The following GPRC5A variants were observed in gnomAD, a reference collection of about 807,000 sequenced individuals.
GPRC5A encodes the protein retinoic acid-induced protein 3.
GPRC5A carries 19 observed loss-of-function variants against 22.5 expected under a neutral mutation model. The observed-to-expected ratio is 0.85, with a 90% CI of 0.59 to 1.24. The LOEUF (loss-of-function observed/expected upper bound fraction) is 1.24, where lower values mean the gene tolerates loss of function less well. Among genes scored for constraint, GPRC5A ranks in the 50% most tolerant of loss-of-function variants. The pLI is 0.00. For synonymous variants in GPRC5A, 192 were observed against 184.5 expected (o/e 1.04, Z -0.33); for missense variants, 471 against 451.1 (o/e 1.04, Z -0.40).
chr12:12,915,811 C>A lies in GPRC5A; in HGVS notation c.*3272C>A. On this transcript the variant is annotated 3_prime_UTR_variant, in exon 4 of 4. Coordinates refer to ENST00000014914, the MANE Select transcript of GPRC5A (RefSeq NM_003979.4). ...GATTACAGGCATGAGCCACCGCGCC[C>A]GGCCCCGTTGTTTCCCTTCTAAGAA... 1 of 511,042 alleles carries A rather than the reference C, an allele frequency of 2.0e-6. No individual in the cohort carries two copies. Among genetic ancestry groups the A allele is most frequent in the Non-Finnish European group, 4.1e-6 (1 of 245,068 alleles). The allele number at this position is 511,042 out of a possible 1,614,324, so 31.7% of individuals were successfully genotyped here.
At chr12:12,897,268 T>G (rs1052671768) in intron 1 of GPRC5A, among the ~76,000 whole-genome samples, 1 of 135,370 alleles carries the variant, frequency 7.4e-6, no homozygotes, top group African/African-American at 2.7e-5. Context: ...TTAATAGTAA[T>G]AATGATAATA....
At chr12:12,910,325 C>T (rs1234988092) in intron 2 of GPRC5A, among the ~76,000 whole-genome samples, 3 of 152,132 alleles carry the variant, frequency 2.0e-5, no homozygotes, top group Admixed American at 2.0e-4. Flanking sequence ...ATTTAACCAC[C>T]CAGCCCCTCC....
intron 1 of GPRC5A, among the ~76,000 whole-genome samples, chr12:12,894,219 A>G (rs1863796258): frequency 6.6e-6 from 1 of 152,216 alleles, no homozygotes; most frequent in Admixed American, 6.5e-5. Flanking sequence ...TCTGAATTAT[A>G]TGATTAGTAA....
Position 12,915,320 on chromosome 12 carries a change from G to A in GPRC5A, c.*2781G>A, listed in dbSNP as rs1801222713. ...ATGGGTCTTTACACTGATAGTTACA[G>A]TAAGTTTTAAAATCTGAGCAGCAAT... On this transcript the variant is annotated 3_prime_UTR_variant, in exon 4 of 4. Transcript: ENST00000014914. 1 of 152,240 alleles carries A rather than the reference G, an allele frequency of 6.6e-6. No homozygotes were observed. The highest frequency in any genetic ancestry group is 2.4e-5 in the African/African-American group (1 of 41,440). The allele number at this position is 152,240 out of a possible 1,614,324, so 9.4% of individuals were successfully genotyped here. A position where few individuals can be genotyped will look rare whatever the true frequency, so the allele number is the denominator to read the frequency against.
intron 1 of GPRC5A, among the ~76,000 whole-genome samples, chr12:12,892,837 CTGT>C (rs1863777670): frequency 6.6e-6 from 1 of 152,126 alleles, no homozygotes; most frequent in African/African-American, 2.4e-5. Flanking sequence ...TCAGCCACTG[CTGT>C]GGGTTCATTC....
chr12:12,901,955 C>T (rs990084502), intron 1 of GPRC5A, among the ~76,000 whole-genome samples: 2 of 152,140 alleles, frequency 1.3e-5, no homozygotes, highest in African/African-American at 4.8e-5. Context: ...CTGCTCTAGC[C>T]CTTTGCTCCT....
intron 1 of GPRC5A, among the ~76,000 whole-genome samples, chr12:12,903,576 T>A (rs1863911233): frequency 6.6e-6 from 1 of 152,240 alleles, no homozygotes; most frequent in Non-Finnish European, 1.5e-5. Flanking sequence ...CCTGAGCCAC[T>A]GCGGCTGGCC....
Position 12,908,990 on chromosome 12 carries a change from C to T in GPRC5A, c.741C>T (p.Ser247=), listed in dbSNP as rs200045600. 4.8e-5 allele frequency: 77 copies of T among 1,614,154 alleles called. 2 individuals are homozygous for T. In the Middle Eastern group the frequency reaches 5.0e-4, roughly 10 times the overall value. ...GGTGGGATGACACCATCCTCAGCTC[C>T]GCCTTGGCTGCCAATGGCTGGGTGT... ...DRRWDDTILS[S]ALAANGWVFL... The change falls in exon 2 of 4, where the codon TCC becomes TCT. Residue 247 remains serine, a synonymous_variant. Coordinates refer to ENST00000014914, the MANE Select transcript of GPRC5A (RefSeq NM_003979.4).
At chr12:12,895,821 C>CAAA (rs34696528) in intron 1 of GPRC5A, among the ~76,000 whole-genome samples, 2,977 of 75,572 alleles carry the variant, frequency 0.039, 285 homozygotes, top group African/African-American at 0.16. Flanking sequence ...ACTAAAAATA[C>CAAA]AAAAAAAAAA....
intron 1 of GPRC5A, among the ~76,000 whole-genome samples, chr12:12,905,866 C>T (rs1027042700): frequency 4.6e-5 from 7 of 152,108 alleles, no homozygotes; most frequent in African/African-American, 9.7e-5. Context: ...CCTGATTATC[C>T]GAATGAGTAA....
intron 1 of GPRC5A, among the ~76,000 whole-genome samples, chr12:12,903,394 T>TCTAA (rs1479725613): frequency 6.6e-6 from 1 of 152,120 alleles, no homozygotes. Context: ...AATTCTCCTA[T>TCTAA]CTAAGTCTCT....
chr12:12,914,437 T>A lies in GPRC5A; in HGVS notation c.*1898T>A, dbSNP rs547337466. On this transcript the variant is annotated 3_prime_UTR_variant, in exon 4 of 4. Coordinates refer to ENST00000014914, the MANE Select transcript of GPRC5A (RefSeq NM_003979.4). ...GGAGGTGTGACCTAATGAGGTTTGT[T>A]GTGAGAATAAAGCAATGTGGTTTCA... The A allele has an allele frequency of 8.5e-5, 13 of 152,328 alleles. No individual in the cohort carries two copies. The highest frequency in any genetic ancestry group is 3.1e-4 in the African/African-American group (13 of 41,568). The allele number at this position is 152,328 out of a possible 1,614,324, so 9.4% of individuals were successfully genotyped here.
chr12:12,910,096 G>C (rs1863987788), intron 2 of GPRC5A, among the ~76,000 whole-genome samples: 1 of 152,138 alleles, frequency 6.6e-6, no homozygotes, highest in African/African-American at 2.4e-5. Context: ...TGGTCTCCAG[G>C]GTTTACACTG....
At chr12:12,901,284 T>C (rs1006364924) in intron 1 of GPRC5A, among the ~76,000 whole-genome samples, 2 of 152,148 alleles carry the variant, frequency 1.3e-5, no homozygotes, top group Admixed American at 6.5e-5. Context: ...GATTCATGCT[T>C]TCCTGGGAGC....
At chr12:12,899,152 C>T (rs771304321) in intron 1 of GPRC5A, among the ~76,000 whole-genome samples, 1 of 152,094 alleles carries the variant, frequency 6.6e-6, no homozygotes, top group African/African-American at 2.4e-5. Flanking sequence ...CTTCACCCTC[C>T]GAGTAGGGGG....
Position 12,916,466 on chromosome 12 carries a change from A to G in GPRC5A, c.*3927A>G, listed in dbSNP as rs1354031194. 6.6e-6 allele frequency: 1 copy of G among 152,212 alleles called. No homozygotes were observed. The highest frequency in any genetic ancestry group is 1.5e-5 in the Non-Finnish European group (1 of 68,050). The allele number at this position is 152,212 out of a possible 1,614,324, so 9.4% of individuals were successfully genotyped here. On this transcript the variant is annotated 3_prime_UTR_variant, in exon 4 of 4. Coordinates refer to ENST00000014914, the MANE Select transcript of GPRC5A (RefSeq NM_003979.4). Reference sequence around the variant, plus strand: ...GCCTCTCAGCCTTGCAAAGGCAGCCACTTAAAGTCGGTGTCCTGTGTGGGG... The same window carrying G: ...GCCTCTCAGCCTTGCAAAGGCAGCCGCTTAAAGTCGGTGTCCTGTGTGGGG...
rs1245757320 is a variant in GPRC5A at position 12,915,768 on chromosome 12, G to A, written c.*3229G>A. 9.1e-6 allele frequency: 4 copies of A among 439,742 alleles called. No homozygotes were observed. Among genetic ancestry groups the A allele is most frequent in the African/African-American group, 8.2e-5 (4 of 48,772 alleles). 27.2% of individuals were successfully genotyped at this position (439,742 alleles called of 1,614,324 possible). A position where few individuals can be genotyped will look rare whatever the true frequency, so the allele number is the denominator to read the frequency against. On this transcript the variant is annotated 3_prime_UTR_variant, in exon 4 of 4. Transcript: ENST00000014914. ...GCCTCTGAAAGTGCTGGGATACCGT[G>A]GCCTCTGAAAGTGCTGGGATTACAG...
intron 1 of GPRC5A, among the ~76,000 whole-genome samples, chr12:12,903,191 G>A (rs74505410): frequency 0.01 from 1,591 of 152,216 alleles, 13 homozygotes; most frequent in South Asian, 0.025. Context: ...AGCAAAATTG[G>A]CCATATAGTA....
chr12:12,901,161 A>G (rs1178440726), intron 1 of GPRC5A, among the ~76,000 whole-genome samples: 1 of 152,110 alleles, frequency 6.6e-6, no homozygotes, highest in Non-Finnish European at 1.5e-5. Context: ...GAGGCTACTC[A>G]TGCTGAAACA....
Sources: gnomAD v4.1 joint callset for allele counts (sites outside exome capture counted in the v4.1 genomes callset) on GRCh38, gnomAD v4.1.1 for gene constraint, MANE v1.5 for transcripts, NCBI Gene and HGNC (gene_info 2026-07-23, HGNC 2026-07-21) for gene names.